CSMD1: variants seen among roughly 807,000 people sequenced by gnomAD.
The protein encoded by CSMD1 is CUB and sushi domain-containing protein 1.
A neutral mutation model predicts 417.5 loss-of-function variants in CSMD1; 213 were observed. The ratio of observed to expected loss-of-function variants is 0.51; its 90% CI spans 0.46 to 0.57. The LOEUF is 0.57. Ranked by LOEUF, CSMD1 falls within the 20% of genes least tolerant of loss-of-function variation. The pLI, the probability that CSMD1 is intolerant of heterozygous loss-of-function variation, is 0.00. For synonymous variants in CSMD1, 2,862 were observed against 1,736.8 expected, an observed-to-expected ratio of 1.65 and a Z score of -16.11; for missense variants, 6,923 against 4,529.7, an observed-to-expected ratio of 1.53 and a Z score of -15.17.
intron 12 of CSMD1, among the ~76,000 whole-genome samples, chr8:3,414,071 G>A (rs1256324650): frequency 1.3e-5 from 2 of 150,810 alleles, no homozygotes; most frequent in Non-Finnish European, 2.9e-5. Flanking sequence ...ACCAGGAGGT[G>A]GACGTTGCAG....
intron 5 of CSMD1, among the ~76,000 whole-genome samples, chr8:3,915,937 T>G (rs1367572753): frequency 6.6e-6 from 1 of 151,326 alleles, no homozygotes; most frequent in Non-Finnish European, 1.5e-5. Flanking sequence ...CTACATAAAC[T>G]GGCTCCAAAC....
intron 1 of CSMD1, among the ~76,000 whole-genome samples, chr8:4,843,121 G>A (rs1800934693): frequency 6.6e-6 from 1 of 151,980 alleles, no homozygotes; most frequent in Non-Finnish European, 1.5e-5. Context: ...TGAGAGTCGA[G>A]GAAATGAACA....
rs1391310657 is a variant in CSMD1 at position 3,828,234 on chromosome 8, T to C, written c.819-74192A>G. 2.0e-5 allele frequency among the ~76,000 whole-genome samples: 3 copies of C among 152,146 alleles called. No homozygotes were observed. In the East Asian group the frequency reaches 5.8e-4, roughly 29 times the overall value. ...GCTAGAAAAGACACTCTTATTATCATGAAAAATAAATGACAACGTTATGTA... is the reference window on the plus strand; with the variant it reads ...GCTAGAAAAGACACTCTTATTATCACGAAAAATAAATGACAACGTTATGTA... On this transcript the variant is annotated intron_variant, in intron 5 of 69. Transcript: ENST00000635120.
At chr8:3,886,553 A>G (rs577325904) in intron 5 of CSMD1, among the ~76,000 whole-genome samples, 7 of 152,312 alleles carry the variant, frequency 4.6e-5, no homozygotes, top group Non-Finnish European at 1.0e-4. Flanking sequence ...CACTTTAATG[A>G]CGAAGCGTGG....
At chr8:4,124,967 G>C (rs926953338) in intron 3 of CSMD1, among the ~76,000 whole-genome samples, 1 of 152,170 alleles carries the variant, frequency 6.6e-6, no homozygotes, top group Non-Finnish European at 1.5e-5. Flanking sequence ...CCTCTTGGAA[G>C]TTTTACTGTC....
chr8:3,967,433 C>A (rs1257336562), intron 5 of CSMD1, among the ~76,000 whole-genome samples: 1 of 145,564 alleles, frequency 6.9e-6, no homozygotes. Flanking sequence ...TTTCAAAGTC[C>A]TCATTCAGGA....
At chr8:4,558,803 C>T (rs897552290) in intron 2 of CSMD1, among the ~76,000 whole-genome samples, 1 of 152,052 alleles carries the variant, frequency 6.6e-6, no homozygotes, top group Non-Finnish European at 1.5e-5. Flanking sequence ...AGGAGGTGGA[C>T]GTTGCAGTGA....
chr8:3,613,666 A>C (rs1331937680), intron 8 of CSMD1, among the ~76,000 whole-genome samples: 1 of 150,952 alleles, frequency 6.6e-6, no homozygotes, highest in Non-Finnish European at 1.5e-5. Context: ...TAGATGTAGA[A>C]ACTTTTGAAA....
chr8:3,246,694 A>G (rs928210624), intron 26 of CSMD1, among the ~76,000 whole-genome samples: 4 of 151,966 alleles, frequency 2.6e-5, no homozygotes, highest in African/African-American at 9.7e-5. Context: ...CTGGCCTCGA[A>G]CTCCTGACCT....
At chr8:3,388,267 G>T (rs571159182) in intron 17 of CSMD1, among the ~76,000 whole-genome samples, 1 of 152,146 alleles carries the variant, frequency 6.6e-6, no homozygotes, top group African/African-American at 2.4e-5. Flanking sequence ...GCTACTATTA[G>T]CCTTTGCTAA....
intron 15 of CSMD1, among the ~76,000 whole-genome samples, chr8:3,399,805 T>A (rs1811929571): frequency 6.6e-6 from 1 of 152,246 alleles, no homozygotes; most frequent in African/African-American, 2.4e-5. Context: ...ATTATCTCAT[T>A]TAACTGCTAA....
At chr8:3,285,610 G>C (rs1256732678) in intron 25 of CSMD1, among the ~76,000 whole-genome samples, 1 of 151,886 alleles carries the variant, frequency 6.6e-6, no homozygotes, top group African/African-American at 2.4e-5. Context: ...AGTTGACCAG[G>C]CTGGTCTTGA....
At position 4,023,102 on chromosome 8, in the gene CSMD1, T is replaced by C. The variant is rs144708633; in HGVS notation, c.610+8803A>G. On this transcript the variant is annotated intron_variant, in intron 4 of 69. Transcript: ENST00000635120. ...GGCCTCATGGTTGAGCTTCAGCTAA[T>C]GCAGTGGATGTACAGGAGATGCACT... Among the ~76,000 whole-genome samples, 428 of 152,292 alleles carry C rather than the reference T, an allele frequency of 2.8e-3. 1 individual carries two copies. Among genetic ancestry groups the C allele is most frequent in the African/African-American group, 1.0e-2 (415 of 41,552 alleles).
At chr8:4,414,101 T>C (rs142757337) in intron 3 of CSMD1, among the ~76,000 whole-genome samples, 2 of 152,200 alleles carry the variant, frequency 1.3e-5, no homozygotes, top group Non-Finnish European at 2.9e-5. Flanking sequence ...CAGGTGGAGT[T>C]TGGGTTATCA....
intron 10 of CSMD1, among the ~76,000 whole-genome samples, chr8:3,494,108 T>G (rs971019964): frequency 1.3e-5 from 2 of 152,240 alleles, no homozygotes; most frequent in East Asian, 1.9e-4. Flanking sequence ...ATATCCAGAA[T>G]GCTCTGCAAT....
intron 12 of CSMD1, among the ~76,000 whole-genome samples, chr8:3,444,420 C>A (rs1362368458): frequency 1.3e-5 from 2 of 152,176 alleles, no homozygotes; most frequent in Non-Finnish European, 2.9e-5. Context: ...TTCATGAGTT[C>A]TTTCCTAACA....
Position 4,018,000 on chromosome 8 carries a change from A to G in CSMD1, c.610+13905T>C, listed in dbSNP as rs148778897. 2.6e-5 allele frequency among the ~76,000 whole-genome samples: 4 copies of G among 152,298 alleles called. No individual in the cohort carries two copies. The East Asian group carries it at 5.8e-4, about 22-fold the overall frequency. On this transcript the variant is annotated intron_variant, in intron 4 of 69. Coordinates refer to ENST00000635120, the MANE Select transcript of CSMD1 (RefSeq NM_033225.6). ...ATGTTGCATTTTGATTAATTGCTTC[A>G]TGAGTATGGTTTGTCCACTCGTAAC...
chr8:4,101,210 T>C (rs970440032), intron 3 of CSMD1, among the ~76,000 whole-genome samples: 1 of 152,202 alleles, frequency 6.6e-6, no homozygotes, highest in Non-Finnish European at 1.5e-5. Context: ...CACGTATGAA[T>C]TCTTGGTTTT....
chr8:3,630,379 G>C (rs555088081), intron 7 of CSMD1, among the ~76,000 whole-genome samples: 5 of 152,300 alleles, frequency 3.3e-5, no homozygotes, highest in African/African-American at 1.2e-4. Context: ...CCCTCAGGAA[G>C]GAACGAGACT....
Sources: allele counts gnomAD v4.1 joint callset (sites outside exome capture counted in the v4.1 genomes callset), GRCh38; gene constraint gnomAD v4.1.1; transcripts MANE v1.5; gene names NCBI Gene and HGNC (gene_info 2026-07-23, HGNC 2026-07-21).